The following NTN1 variants were observed in gnomAD, a reference collection of about 807,000 sequenced individuals.
NTN1 encodes the protein netrin-1.
In NTN1, 11 loss-of-function variants were observed where a neutral mutation model predicts 54.2. The ratio of observed to expected loss-of-function variants is 0.20; its 90% confidence interval spans 0.13 to 0.34. NTN1 has a LOEUF of 0.34. Among genes scored for constraint, NTN1 ranks in the 10% least tolerant of loss-of-function variants. NTN1 has a pLI of 1.00. For synonymous variants in NTN1, 371 were observed against 382.0 expected (o/e 0.97, Z 0.33); for missense variants, 740 against 893.1 (o/e 0.83, Z 2.18).
chr17:9,043,577 CT>C (rs111336083), intron 2 of NTN1, among the ~76,000 whole-genome samples: 155 of 145,638 alleles, frequency 1.1e-3, no homozygotes, highest in Non-Finnish European at 1.0e-3. Context: ...TAATCTCTCT[CT>C]TTTTTTTTTT....
At chr17:9,222,880 T>C (rs1204468184) in intron 6 of NTN1, among the ~76,000 whole-genome samples, 6 of 151,854 alleles carry the variant, frequency 4.0e-5, no homozygotes, top group African/African-American at 9.7e-5. Flanking sequence ...TGTTCTCGTT[T>C]ATTGTGTGTG....
upstream of NTN1, chr17:9,021,487 C>T (rs1482459948): frequency 6.6e-6 from 1 of 151,918 alleles, no homozygotes; most frequent in African/African-American, 2.4e-5. Context: ...CGCCCCCCGC[C>T]CCCGCGCTCC....
At chr17:9,114,462 T>C (rs2092203994) in intron 2 of NTN1, among the ~76,000 whole-genome samples, 1 of 149,032 alleles carries the variant, frequency 6.7e-6, no homozygotes. Context: ...AAAAAAAAGA[T>C]AAACATGGAG....
At position 9,132,260 on chromosome 17, in the gene NTN1, C is replaced by T. The variant is rs76361359; in HGVS notation, c.1019-30553C>T. Among the ~76,000 whole-genome samples, 43 of 152,254 alleles carry T rather than the reference C, an allele frequency of 2.8e-4. No individual in the cohort carries two copies. In the East Asian group the frequency reaches 5.4e-3, roughly 19 times the overall value. On this transcript the variant is annotated intron_variant, in intron 2 of 6. Transcript: ENST00000173229. Reference sequence around the variant, plus strand: ...CCTGTCACTCTGTCCACTAACAAGCCATGTACTTTCATGAACATTACACGT... The same window carrying T: ...CCTGTCACTCTGTCCACTAACAAGCTATGTACTTTCATGAACATTACACGT...
intron 5 of NTN1, among the ~76,000 whole-genome samples, chr17:9,196,491 C>T (rs543103596): frequency 2.0e-5 from 3 of 152,306 alleles, no homozygotes; most frequent in African/African-American, 4.8e-5. Flanking sequence ...ATTTTCCTCT[C>T]GGCAGCTCTC....
chr17:9,073,730 G>A (rs1345306140), intron 2 of NTN1, among the ~76,000 whole-genome samples: 1 of 152,216 alleles, frequency 6.6e-6, no homozygotes, highest in Non-Finnish European at 1.5e-5. Context: ...TGCACCTGTT[G>A]ATCCAGGTTG....
chr17:9,116,122 G>A (rs997740633), intron 2 of NTN1, among the ~76,000 whole-genome samples: 2 of 152,224 alleles, frequency 1.3e-5, no homozygotes, highest in Non-Finnish European at 2.9e-5. Context: ...CCTAGCCAGG[G>A]CTCTGCTGTT....
intron 5 of NTN1, among the ~76,000 whole-genome samples, chr17:9,193,079 C>CAAAAAAAA (rs528295578): frequency 4.7e-5 from 5 of 105,912 alleles, no homozygotes; most frequent in East Asian, 2.5e-4. Context: ...GACTCTGTCT[C>CAAAAAAAA]AAAAAAAAAA....
the NTN1 span, among the ~76,000 whole-genome samples, chr17:9,010,689 C>G: frequency 6.6e-6 from 1 of 152,158 alleles, no homozygotes; most frequent in Non-Finnish European, 1.5e-5. Flanking sequence ...GAAATTTATT[C>G]TCTCACAGTT....
intron 3 of NTN1, among the ~76,000 whole-genome samples, chr17:9,170,251 A>T (rs1250975395): frequency 6.6e-6 from 1 of 152,182 alleles, no homozygotes; most frequent in Non-Finnish European, 1.5e-5. Context: ...GTGCAGATTA[A>T]ATGAGATGAT....
chr17:9,213,047 G>A (rs1297117445), intron 5 of NTN1, among the ~76,000 whole-genome samples: 2 of 152,236 alleles, frequency 1.3e-5, no homozygotes, highest in Non-Finnish European at 1.5e-5. Context: ...GGTCTCGGCC[G>A]CTGGGATTGG....
intron 6 of NTN1, among the ~76,000 whole-genome samples, chr17:9,226,121 G>A (rs1375987784): frequency 6.8e-5 from 10 of 146,260 alleles, no homozygotes; most frequent in East Asian, 2.2e-4. Context: ...CCCAGCTCCC[G>A]TAGGCTTAAG....
chr17:9,230,686 T>C (rs1905779943), intron 6 of NTN1, among the ~76,000 whole-genome samples: 1 of 150,542 alleles, frequency 6.6e-6, no homozygotes, highest in South Asian at 2.1e-4. Flanking sequence ...TCTGGGGGGA[T>C]GCGGCCCTTC....
intron 3 of NTN1, among the ~76,000 whole-genome samples, chr17:9,179,358 C>T (rs1026986349): frequency 2.5e-4 from 38 of 152,300 alleles, no homozygotes; most frequent in Non-Finnish European, 5.1e-4. Flanking sequence ...CCACTCCTCC[C>T]ATGCCCTGGG....
intron 6 of NTN1, among the ~76,000 whole-genome samples, chr17:9,224,708 G>A (rs77578264): frequency 0.017 from 2,651 of 151,848 alleles, 91 homozygotes; most frequent in African/African-American, 0.059. Flanking sequence ...GTGGTTACCC[G>A]GCTCCTGCCC....
chr17:9,229,442 C>T (rs1005060819), intron 6 of NTN1, among the ~76,000 whole-genome samples: 3 of 152,018 alleles, frequency 2.0e-5, no homozygotes, highest in Admixed American at 1.3e-4. Context: ...GACGCTGAGA[C>T]TCAACAAGAT....
chr17:9,137,671 G>A (rs1402173013), intron 2 of NTN1, among the ~76,000 whole-genome samples: 1 of 152,140 alleles, frequency 6.6e-6, no homozygotes, highest in Non-Finnish European at 1.5e-5. Flanking sequence ...GCAGGCACCT[G>A]TAATCCCAGC....
Position 9,240,207 on chromosome 17 carries a change from C to G in NTN1, c.*239C>G, listed in dbSNP as rs1198398747. On this transcript the variant is annotated 3_prime_UTR_variant, in exon 7 of 7. Coordinates refer to ENST00000173229, the MANE Select transcript of NTN1 (RefSeq NM_004822.3). Reference sequence around the variant, plus strand: ...GGGGCGGGGTGCGCCGCCGGCCGGGCCCTGGAGAAATGACGAGACGTAGCT... The same window carrying G: ...GGGGCGGGGTGCGCCGCCGGCCGGGGCCTGGAGAAATGACGAGACGTAGCT... 1 of 159,022 alleles carries G rather than the reference C, an allele frequency of 6.3e-6. No homozygotes were observed. Among genetic ancestry groups the G allele is most frequent in the African/African-American group, 2.4e-5 (1 of 41,488 alleles). 9.9% of individuals were successfully genotyped at this position (159,022 alleles called of 1,614,324 possible).
At position 9,114,146 on chromosome 17, in the gene NTN1, AAAAAAAG is replaced by A. The variant is rs201452999; in HGVS notation, c.1019-48660_1019-48654del. On this transcript the variant is annotated intron_variant, in intron 2 of 6. Coordinates refer to ENST00000173229, the MANE Select transcript of NTN1 (RefSeq NM_004822.3). ...CACTGCACTCTAGCCTGGGTGCCAA[AAAAAAAG>A]AAAAAAAAAAAAAATATATATATAT... Among the ~76,000 whole-genome samples, 97 of 89,204 alleles carry A rather than the reference AAAAAAAG, an allele frequency of 1.1e-3. 1 individual carries two copies. The highest frequency in any genetic ancestry group is 5.4e-3 in the East Asian group (22 of 4,110). 58.5% of individuals were successfully genotyped at this position (89,204 alleles called of 152,430 possible).
Sources: gnomAD v4.1 joint callset for allele counts (sites outside exome capture counted in the v4.1 genomes callset) on GRCh38, gnomAD v4.1.1 for gene constraint, MANE v1.5 for transcripts, NCBI Gene and HGNC (gene_info 2026-07-23, HGNC 2026-07-21) for gene names.